The following COL24A1 variants were observed in gnomAD, a reference collection of about 807,000 sequenced individuals.
The protein encoded by COL24A1 is collagen type XXIV alpha 1 chain.
Under a neutral mutation model 253.9 loss-of-function variants are expected in COL24A1, and 224 were observed. The ratio of observed to expected loss-of-function variants is 0.88; its 90% CI spans 0.79 to 0.99. The LOEUF (loss-of-function observed/expected upper bound fraction) is 0.99, where lower values mean the gene tolerates loss of function less well. COL24A1 is among the 50% of genes least tolerant of loss of function. The probability of loss-of-function intolerance (pLI) is 0.00; values close to 1 mark genes in which losing one functional copy is unlikely to be tolerated. For synonymous variants in COL24A1, 685 were observed against 673.7 expected (o/e 1.02, Z -0.26); for missense variants, 2,131 against 2,068.5 (o/e 1.03, Z -0.59).
At chr1:85,761,615 TG>T in intron 53 of COL24A1, 49 bp from the exon 54 acceptor site, 1 of 1,592,136 alleles carries the variant, frequency 6.3e-7, no homozygotes, top group Non-Finnish European at 8.6e-7. Context: ...TACTTTTGGT[TG>T]GGTATAAGCA....
chr1:85,829,828 A>G (rs1674936657), intron 43 of COL24A1, among the ~76,000 whole-genome samples: 1 of 151,644 alleles, frequency 6.6e-6, no homozygotes, highest in South Asian at 2.1e-4. Flanking sequence ...ATTCTTCTAA[A>G]TTTTTTTCAA....
At chr1:85,783,441 C>T in intron 51 of COL24A1, 55 bp downstream of exon 51, 1 of 1,445,458 alleles carries the variant, frequency 6.9e-7, no homozygotes, top group Admixed American at 1.7e-5. Flanking sequence ...GCTCTTAAGC[C>T]CTGCAGTAAG....
At chr1:86,037,182 C>T (rs1429121343) in intron 12 of COL24A1, among the ~76,000 whole-genome samples, 1 of 152,084 alleles carries the variant, frequency 6.6e-6, no homozygotes, top group Non-Finnish European at 1.5e-5. Context: ...CATTTATTTC[C>T]AGTGATCAGT....
At position 86,142,573 on chromosome 1, in the gene COL24A1, G is replaced by T. The variant is rs190015275; in HGVS notation, c.121+3546C>A. 2.6e-3 allele frequency among the ~76,000 whole-genome samples: 382 copies of T among 148,460 alleles called. 3 individuals are homozygous for T. Among genetic ancestry groups the T allele is most frequent in the Admixed American group, 6.4e-3 (95 of 14,858 alleles). On this transcript the variant is annotated intron_variant, in intron 2 of 59. Transcript: ENST00000370571. ...CAAAAAAAACAATTTAAACACAGAA[G>T]AAATAAGAAATTAAACAAAATGTTT... is the stretch of plus-strand genomic sequence containing the variant.
At chr1:85,981,117 C>T (rs541704273) in intron 20 of COL24A1, among the ~76,000 whole-genome samples, 2 of 152,166 alleles carry the variant, frequency 1.3e-5, no homozygotes, top group African/African-American at 4.8e-5. Context: ...ATCAAAATAC[C>T]ATCATCATTC....
At chr1:85,895,826 T>C (rs762305660) in intron 31 of COL24A1, 32 bp downstream of exon 31, 1 of 1,584,574 alleles carries the variant, frequency 6.3e-7, no homozygotes, top group Non-Finnish European at 8.6e-7. Context: ...CAGATAAAAA[T>C]TTTTCATAGC....
intron 7 of COL24A1, among the ~76,000 whole-genome samples, chr1:86,073,818 G>C (rs560188272): frequency 6.6e-6 from 1 of 152,240 alleles, no homozygotes; most frequent in Admixed American, 6.5e-5. Flanking sequence ...CTAATATTCA[G>C]CATGCTTAAA....
At chr1:86,127,997 T>C (rs1648577035) in intron 2 of COL24A1, among the ~76,000 whole-genome samples, 2 of 152,068 alleles carry the variant, frequency 1.3e-5, no homozygotes, top group African/African-American at 4.8e-5. Context: ...TTTTAAAGGA[T>C]AGCAATATTT....
chr1:85,739,092 G>A (rs1197334673), intron 57 of COL24A1, among the ~76,000 whole-genome samples: 1 of 152,116 alleles, frequency 6.6e-6, no homozygotes, highest in Non-Finnish European at 1.5e-5. Flanking sequence ...CTTATCTTCA[G>A]AATTTTGAAT....
At chr1:86,021,585 G>A (rs1321656556) in intron 18 of COL24A1, among the ~76,000 whole-genome samples, 1 of 152,124 alleles carries the variant, frequency 6.6e-6, no homozygotes, top group Non-Finnish European at 1.5e-5. Context: ...TAATTTAGAT[G>A]TATAGTCCTT....
chr1:86,092,152 AT>A, intron 6 of COL24A1, 114 bp downstream of exon 6: 1 of 744,334 alleles, frequency 1.3e-6, no homozygotes, highest in Non-Finnish European at 2.1e-6. Context: ...CCAACAATTA[AT>A]TCTCATGTTT....
intron 24 of COL24A1, among the ~76,000 whole-genome samples, chr1:85,954,568 T>A (rs1425501955): frequency 6.6e-6 from 1 of 152,168 alleles, no homozygotes; most frequent in Non-Finnish European, 1.5e-5. Flanking sequence ...TCTATGAGGA[T>A]TAAATAATAT....
chr1:85,962,135 A>T (rs891101616), intron 23 of COL24A1, among the ~76,000 whole-genome samples: 5 of 152,160 alleles, frequency 3.3e-5, no homozygotes, highest in African/African-American at 1.2e-4. Flanking sequence ...TCCCACAGGG[A>T]TGTTCTATTT....
chr1:85,766,941 A>G (rs1291002739), intron 53 of COL24A1, among the ~76,000 whole-genome samples: 1 of 151,976 alleles, frequency 6.6e-6, no homozygotes, highest in East Asian at 1.9e-4. Flanking sequence ...CGTTTCTACT[A>G]AAAATACAAA....
intron 42 of COL24A1, among the ~76,000 whole-genome samples, chr1:85,840,590 A>G (rs2297744): frequency 0.35 from 52,844 of 151,894 alleles, 10,050 homozygotes; most frequent in Non-Finnish European, 0.43. Flanking sequence ...TCTATGGACT[A>G]AAAATTTTCA....
At chr1:85,881,240 T>G (rs1333193855) in intron 32 of COL24A1, among the ~76,000 whole-genome samples, 2 of 60,624 alleles carry the variant, frequency 3.3e-5, no homozygotes, top group Non-Finnish European at 6.1e-5. Context: ...AAGATATTGA[T>G]GGATATCAAA....
At chr1:85,859,164 G>A (rs1365412973) in intron 37 of COL24A1, among the ~76,000 whole-genome samples, 1 of 152,084 alleles carries the variant, frequency 6.6e-6, no homozygotes, top group Non-Finnish European at 1.5e-5. Context: ...GTTCACTGCT[G>A]TAACATTAAC....
intron 52 of COL24A1, among the ~76,000 whole-genome samples, chr1:85,778,491 T>C (rs183189502): frequency 2.0e-5 from 3 of 152,156 alleles, no homozygotes; most frequent in African/African-American, 7.2e-5. Context: ...ATTCATGGAA[T>C]CTTTTTTCCA....
chr1:85,959,743 G>C (rs1690830971), intron 24 of COL24A1, among the ~76,000 whole-genome samples: 3 of 152,128 alleles, frequency 2.0e-5, no homozygotes, highest in African/African-American at 7.2e-5. Context: ...GAAAGCACTG[G>C]CAGTGGGTTC....
Sources: gnomAD v4.1 joint callset for allele counts (sites outside exome capture counted in the v4.1 genomes callset) on GRCh38, gnomAD v4.1.1 for gene constraint, MANE v1.5 for transcripts, NCBI Gene and HGNC (gene_info 2026-07-23, HGNC 2026-07-21) for gene names.